Variants in SLC37A1 observed in about 807,000 individuals in gnomAD.
SLC37A1 encodes the protein glucose-6-phosphate exchanger SLC37A1.
SLC37A1 carries 49 observed loss-of-function variants against 75.3 expected under a neutral mutation model. The observed-to-expected ratio is 0.65, with a 90% CI of 0.52 to 0.83. The LOEUF (loss-of-function observed/expected upper bound fraction) is 0.83, where lower values mean the gene tolerates loss of function less well. Among genes scored for constraint, SLC37A1 ranks in the 40% least tolerant of loss-of-function variants. SLC37A1 has a pLI of 0.00. For synonymous variants in SLC37A1, 268 were observed against 292.1 expected, an observed-to-expected ratio of 0.92 and a Z score of 0.84; for missense variants, 566 against 695.0, an observed-to-expected ratio of 0.81 and a Z score of 2.09.
upstream of SLC37A1, among the ~76,000 whole-genome samples, chr21:42,511,847 T>C (rs903294185): frequency 1.3e-5 from 2 of 151,976 alleles, no homozygotes; most frequent in Non-Finnish European, 2.9e-5. Context: ...TCACTTATTT[T>C]TGGAATCTGA....
At chr21:42,567,960 C>A (rs948438812) in intron 16 of SLC37A1, among the ~76,000 whole-genome samples, 1 of 152,246 alleles carries the variant, frequency 6.6e-6, no homozygotes, top group Non-Finnish European at 1.5e-5. Context: ...CCCAGGAAGG[C>A]CCTGGCTGTC....
At chr21:42,535,639 C>A in intron 5 of SLC37A1, 89 bp downstream of exon 5, 2 of 1,202,102 alleles carry the variant, frequency 1.7e-6, no homozygotes, top group Admixed American at 1.8e-5. Flanking sequence ...TGCACAGGCG[C>A]GCGGGATTGA....
At chr21:42,562,195 A>C (rs1569030477) in intron 12 of SLC37A1, 27 bp downstream of exon 12, 12 of 1,593,390 alleles carry the variant, frequency 7.5e-6, no homozygotes, top group Non-Finnish European at 1.0e-5. Flanking sequence ...GAACACATTA[A>C]ATTCCGCACA....
intron 17 of SLC37A1, 66 bp from the exon 18 acceptor site, chr21:42,574,752 G>A (rs2056268913): frequency 1.3e-6 from 2 of 1,506,634 alleles, no homozygotes; most frequent in Non-Finnish European, 1.8e-6. Context: ...CATTCTCTGT[G>A]GCTGCTAGTT....
intron 5 of SLC37A1, 115 bp downstream of exon 5, chr21:42,535,665 C>T: frequency 1.2e-6 from 1 of 854,526 alleles, no homozygotes. Context: ...CCGCTTGCCA[C>T]TGGCTTCCCT....
At chr21:42,523,735 C>T (rs1196753755) in intron 2 of SLC37A1, among the ~76,000 whole-genome samples, 1 of 152,140 alleles carries the variant, frequency 6.6e-6, no homozygotes, top group Non-Finnish European at 1.5e-5. Flanking sequence ...GAAGATAGTT[C>T]CCTGATGAAG....
intron 3 of SLC37A1, among the ~76,000 whole-genome samples, chr21:42,527,851 T>C (rs1348455820): frequency 6.6e-6 from 1 of 152,224 alleles, no homozygotes; most frequent in Admixed American, 6.5e-5. Flanking sequence ...TTTCTTTACC[T>C]TTCAAGATAG....
chr21:42,571,804 A>G (rs1251610111), intron 17 of SLC37A1, among the ~76,000 whole-genome samples: 1 of 60,960 alleles, frequency 1.6e-5, no homozygotes, highest in Admixed American at 2.0e-4. Context: ...GTAAGTAAAC[A>G]TCTCTTTTCC....
At chr21:42,538,149 CCCATCTGG>C (rs1364793748) in intron 5 of SLC37A1, among the ~76,000 whole-genome samples, 2 of 152,202 alleles carry the variant, frequency 1.3e-5, no homozygotes, top group Admixed American at 1.3e-4. Context: ...CTCTCAGGAG[CCCATCTGG>C]TTGTGCCAGC....
chr21:42,565,740 C>A, intron 14 of SLC37A1, 87 bp from the exon 15 acceptor site: 1 of 1,275,094 alleles, frequency 7.8e-7, no homozygotes, highest in South Asian at 1.2e-5. Context: ...GAGAATCACC[C>A]GCCGGGTTTT....
intron 11 of SLC37A1, among the ~76,000 whole-genome samples, chr21:42,560,804 T>C (rs1216231582): frequency 6.6e-6 from 1 of 152,216 alleles, no homozygotes; most frequent in East Asian, 1.9e-4. Flanking sequence ...CCTTCCTCTG[T>C]AGCTACCCCC....
At chr21:42,538,490 G>A (rs1308266755) in intron 5 of SLC37A1, among the ~76,000 whole-genome samples, 1 of 152,188 alleles carries the variant, frequency 6.6e-6, no homozygotes, top group African/African-American at 2.4e-5. Context: ...GTTCATGGCA[G>A]GCAGGTGTCA....
chr21:42,569,497 TCCCTCGTGCC>T (rs2056068419), intron 17 of SLC37A1, among the ~76,000 whole-genome samples: 1 of 10,358 alleles, frequency 9.7e-5, no homozygotes, highest in African/African-American at 9.3e-4. Context: ...CGTGCCGCAC[TCCCTCGTGCC>T]GCACTCCCTC....
At chr21:42,527,195 T>G (rs189958417) in intron 3 of SLC37A1, among the ~76,000 whole-genome samples, 3 of 152,276 alleles carry the variant, frequency 2.0e-5, no homozygotes, top group Non-Finnish European at 4.4e-5. Flanking sequence ...GATGGGCATC[T>G]CCATGAAGGC....
intron 12 of SLC37A1, 43 bp from the exon 13 acceptor site, chr21:42,563,772 A>AC: frequency 6.3e-7 from 1 of 1,599,314 alleles, no homozygotes; most frequent in Non-Finnish European, 8.6e-7. Context: ...GCGATGCGTG[A>AC]AGGAGATCCT....
At chr21:42,525,066 T>A (rs1331110906) in intron 2 of SLC37A1, among the ~76,000 whole-genome samples, 1 of 152,204 alleles carries the variant, frequency 6.6e-6, no homozygotes, top group Non-Finnish European at 1.5e-5. Flanking sequence ...CGACAGCGTT[T>A]GGGGGCTTGC....
chr21:42,506,421 A>G (rs1367532215), intron 2 of SLC37A1, among the ~76,000 whole-genome samples: 1 of 152,196 alleles, frequency 6.6e-6, no homozygotes, highest in Non-Finnish European at 1.5e-5. Flanking sequence ...TTACATATTC[A>G]TACTAATTAG....
chr21:42,570,170 G>GGCCGTT lies in SLC37A1; in HGVS notation c.1423+1735_1423+1736insGTTGCC, dbSNP rs2056110265. 3.8e-5 allele frequency among the ~76,000 whole-genome samples: 4 copies of GGCCGTT among 105,380 alleles called. 1 individual carries two copies. Among genetic ancestry groups the GGCCGTT allele is most frequent in the Non-Finnish European group, 6.3e-5 (3 of 47,682 alleles). The allele number at this position is 105,380 out of a possible 152,430, so 69.1% of individuals were successfully genotyped here. ...GGTTCTGAGAAGCGGCGGGCAGGGT[G>GGCCGTT]GCCATTGCCATGTGACACATGGCCT... On this transcript the variant is annotated intron_variant, in intron 17 of 19. Coordinates refer to ENST00000352133, the MANE Select transcript of SLC37A1 (RefSeq NM_001320537.2).
chr21:42,558,974 G>A lies in SLC37A1; in HGVS notation c.866G>A (p.Cys289Tyr), dbSNP rs1470276728. Reference sequence around the variant, plus strand: ...TGCCTCCAGGACCCAGAGATGCAGTGCCTGCTGCTCTCAGATGGGAAGGGC... The same window carrying A: ...TGCCTCCAGGACCCAGAGATGCAGTACCTGCTGCTCTCAGATGGGAAGGGC... ...KNKPLDPEMQCLLLSDGKGSI... is the reference protein window; with the variant it reads ...KNKPLDPEMQYLLLSDGKGSI... The change falls in exon 11 of 20, where the codon TGC becomes TAC. Residue 289 changes from cysteine (C) to tyrosine (Y), a missense_variant. Transcript: ENST00000352133. The A allele has an allele frequency of 1.2e-6, 2 of 1,613,904 alleles. No individual in the cohort carries two copies. The highest frequency in any genetic ancestry group is 1.7e-6 in the Non-Finnish European group (2 of 1,179,938).
Sources: gnomAD v4.1 joint callset for allele counts (sites outside exome capture counted in the v4.1 genomes callset) on GRCh38, gnomAD v4.1.1 for gene constraint, MANE v1.5 for transcripts, NCBI Gene and HGNC (gene_info 2026-07-23, HGNC 2026-07-21) for gene names.